The following ADARB1 variants were observed in gnomAD, a reference collection of about 807,000 sequenced individuals.
The protein encoded by ADARB1 is adenosine deaminase RNA specific B1.
In ADARB1, 10 loss-of-function variants were observed where a neutral mutation model predicts 52.4. That is an observed-to-expected ratio of 0.19 (90% CI 0.12 to 0.32). ADARB1 has a LOEUF of 0.32. ADARB1 is among the 10% of genes least tolerant of loss of function. ADARB1 has a pLI of 1.00. For missense variants in ADARB1, 643 were observed against 922.3 expected (o/e 0.70, Z 3.92); for synonymous variants, 349 against 371.1 (o/e 0.94, Z 0.68).
chr21:45,138,499 A>G (rs935462624), intron 2 of ADARB1, among the ~76,000 whole-genome samples: 2 of 152,232 alleles, frequency 1.3e-5, no homozygotes, highest in Admixed American at 6.5e-5. Flanking sequence ...TGTTTAAGGC[A>G]GGAACAACTG....
At chr21:45,101,389 G>A (rs1041725793) in intron 1 of ADARB1, among the ~76,000 whole-genome samples, 1 of 152,252 alleles carries the variant, frequency 6.6e-6, no homozygotes. Flanking sequence ...CGAGTGCTGG[G>A]TGCAGAGGAT....
At position 45,225,380 on chromosome 21, in the gene ADARB1, A is replaced by G. The variant is rs1461846629; in HGVS notation, c.*3183A>G. The stretch of plus-strand genomic sequence containing the variant: ...TTCATCATCTTTTCCTATTTTGGAG[A>G]ATTTTTTGTAATTAAAAGCAATTAT... On this transcript the variant is annotated 3_prime_UTR_variant, in exon 11 of 11. Coordinates refer to ENST00000348831, the MANE Select transcript of ADARB1 (RefSeq NM_001112.4). The G allele has an allele frequency of 7.9e-7, 1 of 1,263,230 alleles. No individual in the cohort carries two copies. Among genetic ancestry groups the G allele is most frequent in the Non-Finnish European group, 1.0e-6 (1 of 1,002,998 alleles). The allele number at this position is 1,263,230 out of a possible 1,614,324, so 78.3% of individuals were successfully genotyped here.
At chr21:45,111,907 A>G (rs2087557479) in intron 1 of ADARB1, among the ~76,000 whole-genome samples, 2 of 152,234 alleles carry the variant, frequency 1.3e-5, no homozygotes, top group African/African-American at 4.8e-5. Flanking sequence ...CACGCACTTC[A>G]GCGTGAGTGG....
intron 3 of ADARB1, 146 bp downstream of exon 3, chr21:45,171,830 T>G (rs2091493695): frequency 1.4e-6 from 1 of 734,946 alleles, no homozygotes; most frequent in Non-Finnish European, 2.2e-6. Context: ...GTTTTTAATT[T>G]TTGGTGTGTT....
intron 1 of ADARB1, among the ~76,000 whole-genome samples, chr21:45,084,606 C>T (rs980576232): frequency 2.6e-5 from 4 of 152,342 alleles, no homozygotes; most frequent in Middle Eastern, 6.8e-3. Flanking sequence ...TTTTTCACTT[C>T]TGTAAGTCCA....
intron 9 of ADARB1, among the ~76,000 whole-genome samples, chr21:45,219,137 G>T (rs968295851): frequency 2.0e-5 from 3 of 152,160 alleles, no homozygotes; most frequent in African/African-American, 7.2e-5. Flanking sequence ...ATAAAAAAAT[G>T]TTTAAAGATA....
chr21:45,178,927 G>A (rs1011701062), intron 4 of ADARB1, among the ~76,000 whole-genome samples: 3 of 152,096 alleles, frequency 2.0e-5, no homozygotes, highest in Non-Finnish European at 4.4e-5. Context: ...TGAGGCTCTC[G>A]GAACTCACTC....
chr21:45,222,649 A>C lies in ADARB1; in HGVS notation c.*452A>C. ...GTCACTTTTATGCCACATTATTTTA[A>C]TTGCAAAAAAGCATCTATATATGGA... On this transcript the variant is annotated 3_prime_UTR_variant, in exon 11 of 11. Transcript: ENST00000348831. 1.0e-6 allele frequency: 1 copy of C among 990,080 alleles called. No individual in the cohort carries two copies. The highest frequency in any genetic ancestry group is 1.7e-5 in the African/African-American group (1 of 57,526). The allele number at this position is 990,080 out of a possible 1,614,324, so 61.3% of individuals were successfully genotyped here. A position where few individuals can be genotyped will look rare whatever the true frequency, so the allele number is the denominator to read the frequency against.
chr21:45,164,615 G>T (rs1299471185), intron 2 of ADARB1, among the ~76,000 whole-genome samples: 3 of 152,162 alleles, frequency 2.0e-5, no homozygotes, highest in African/African-American at 7.2e-5. Context: ...CTTGCGCGAG[G>T]ACATGGCAGG....
At chr21:45,088,584 G>T (rs148824541) in intron 1 of ADARB1, among the ~76,000 whole-genome samples, 1 of 152,178 alleles carries the variant, frequency 6.6e-6, no homozygotes, top group South Asian at 2.1e-4. Flanking sequence ...ATAGAAAATC[G>T]CCTTCAGGCG....
At chr21:45,078,649 A>T (rs916684847) in intron 1 of ADARB1, among the ~76,000 whole-genome samples, 1 of 152,160 alleles carries the variant, frequency 6.6e-6, no homozygotes, top group Non-Finnish European at 1.5e-5. Flanking sequence ...AGGCTGGGCG[A>T]GTGGTAGGAA....
chr21:45,171,797 A>G, intron 3 of ADARB1, 113 bp downstream of exon 3: 1 of 941,542 alleles, frequency 1.1e-6, no homozygotes, highest in East Asian at 2.7e-5. Flanking sequence ...TTTTCCCGTA[A>G]CATCTTCTAC....
intron 1 of ADARB1, among the ~76,000 whole-genome samples, chr21:45,075,607 C>T (rs2085898381): frequency 6.6e-6 from 1 of 152,250 alleles, no homozygotes; most frequent in Non-Finnish European, 1.5e-5. Context: ...GACGTGTTCA[C>T]ATCAGAAGGA....
chr21:45,119,319 A>G (rs1002057251), intron 1 of ADARB1, among the ~76,000 whole-genome samples: 12 of 152,178 alleles, frequency 7.9e-5, no homozygotes, highest in African/African-American at 2.7e-4. Flanking sequence ...TCGAACTCCT[A>G]GGCTCAAGCC....
chr21:45,089,930 G>T (rs1263857418), intron 1 of ADARB1, among the ~76,000 whole-genome samples: 2 of 152,146 alleles, frequency 1.3e-5, no homozygotes, highest in Non-Finnish European at 2.9e-5. Context: ...AATTGGCTAG[G>T]ACTTCTGGTA....
chr21:45,222,164 C>T lies in ADARB1; in HGVS notation c.2073C>T (p.Pro691=). 1 of 1,602,524 alleles carries T rather than the reference C, an allele frequency of 6.2e-7. No homozygotes were observed. The highest frequency in any genetic ancestry group is 2.2e-5 in the East Asian group (1 of 44,820). The part of the protein sequence containing the change: ...KAGLGAWVEK[P]TEQDQFSLTP ...GGCTGGGGGCCTGGGTGGAGAAGCC[C>T]ACCGAGCAGGACCAGTTCTCACTCA... The change falls in exon 11 of 11, where the codon CCC becomes CCT. Residue 691 remains proline (P), a synonymous_variant. Transcript: ENST00000348831.
intron 2 of ADARB1, among the ~76,000 whole-genome samples, chr21:45,158,828 G>A (rs771657425): frequency 9.2e-5 from 14 of 152,130 alleles, no homozygotes; most frequent in South Asian, 2.1e-4. Flanking sequence ...AAAGTGTGCC[G>A]TTCTTTCGGT....
At chr21:45,159,165 C>G (rs1255344405) in intron 2 of ADARB1, among the ~76,000 whole-genome samples, 1 of 152,146 alleles carries the variant, frequency 6.6e-6, no homozygotes, top group Non-Finnish European at 1.5e-5. Flanking sequence ...CACCGTTCCA[C>G]ATGACTGCAG....
chr21:45,171,791 C>A (rs2091491233), intron 3 of ADARB1, 107 bp downstream of exon 3: 3 of 1,021,824 alleles, frequency 2.9e-6, no homozygotes, highest in Admixed American at 2.6e-5. Flanking sequence ...TGTGTTTTTT[C>A]CCGTAACATC....
Sources: allele counts gnomAD v4.1 joint callset (sites outside exome capture counted in the v4.1 genomes callset), GRCh38; gene constraint gnomAD v4.1.1; transcripts MANE v1.5; gene names NCBI Gene and HGNC (gene_info 2026-07-23, HGNC 2026-07-21).